The following RNF152 variants were observed in gnomAD, a reference collection of about 807,000 sequenced individuals.
RNF152 encodes E3 ubiquitin-protein ligase RNF152.
Under a neutral mutation model 12.7 loss-of-function variants are expected in RNF152, and 11 were observed. The ratio of observed to expected loss-of-function variants is 0.86; its 90% CI spans 0.54 to 1.43. The LOEUF (loss-of-function observed/expected upper bound fraction) is 1.43, where lower values mean the gene tolerates loss of function less well. Ranked by LOEUF, RNF152 falls within the 40% of genes most tolerant of loss-of-function variation. RNF152 has a pLI of 0.00. For missense variants in RNF152, 255 were observed against 274.8 expected, an observed-to-expected ratio of 0.93 and a Z score of 0.51; for synonymous variants, 113 against 120.3, an observed-to-expected ratio of 0.94 and a Z score of 0.40.
intron 1 of RNF152, among the ~76,000 whole-genome samples, chr18:61,817,909 G>A (rs1385295675): frequency 6.6e-6 from 1 of 152,152 alleles, no homozygotes; most frequent in Non-Finnish European, 1.5e-5. Context: ...GTCCCTGGAT[G>A]GAGCCATGAT....
intron 1 of RNF152, among the ~76,000 whole-genome samples, chr18:61,876,716 T>C (rs1912229313): frequency 6.6e-6 from 1 of 152,130 alleles, no homozygotes; most frequent in Non-Finnish European, 1.5e-5. Context: ...TCCTCACCCA[T>C]ATAATAGAGA....
upstream of RNF152, chr18:61,894,356 G>A (rs1291896905): frequency 6.6e-6 from 1 of 151,414 alleles, no homozygotes; most frequent in Non-Finnish European, 1.5e-5. This position sits in a 1 kb window ranked among gnomAD's most constrained non-coding sequence, Gnocchi z 4.9. Flanking sequence ...GGCCCTTCGG[G>A]CGGCACCCCC....
At chr18:61,817,456 C>T (rs776177154) in intron 1 of RNF152, among the ~76,000 whole-genome samples, 3 of 152,170 alleles carry the variant, frequency 2.0e-5, no homozygotes, top group Non-Finnish European at 4.4e-5. Flanking sequence ...TGAATAGATA[C>T]GGTCAGCCCT....
intron 1 of RNF152, among the ~76,000 whole-genome samples, chr18:61,845,161 T>C (rs528993792): frequency 6.6e-6 from 1 of 152,278 alleles, no homozygotes; most frequent in East Asian, 1.9e-4. Context: ...TCATAGCTCA[T>C]TGCAGCCTTA....
chr18:61,845,218 T>C (rs1418547407), intron 1 of RNF152, among the ~76,000 whole-genome samples: 2 of 152,196 alleles, frequency 1.3e-5, no homozygotes, highest in Non-Finnish European at 2.9e-5. Context: ...CCCAAAGCAA[T>C]GGGATAATAG....
In RNF152 at chr18:61,808,095, TA is replaced by T. The variant is rs779733233; in HGVS notation, c.*7756del. 6.6e-6 allele frequency: 1 copy of T among 152,060 alleles called. No homozygotes were observed. The highest frequency in any genetic ancestry group is 1.5e-5 in the Non-Finnish European group (1 of 68,014). The allele number at this position is 152,060 out of a possible 1,614,324, so 9.4% of individuals were successfully genotyped here. On this transcript the variant is annotated 3_prime_UTR_variant, in exon 2 of 2. Coordinates refer to ENST00000312828, the MANE Select transcript of RNF152 (RefSeq NM_173557.3). The stretch of plus-strand genomic sequence containing the variant: ...GAAATCATTTTATGAACTTTAATCA[TA>T]GCAAATGTGTTTTTACGGTAGTCAT...
chr18:61,873,492 C>T (rs528374044), intron 1 of RNF152, among the ~76,000 whole-genome samples: 9 of 152,268 alleles, frequency 5.9e-5, no homozygotes, highest in South Asian at 2.1e-4. Flanking sequence ...CACGCCACCA[C>T]GCCTGGCTAA....
chr18:61,824,397 CA>C (rs1311254215), intron 1 of RNF152, among the ~76,000 whole-genome samples: 1 of 152,246 alleles, frequency 6.6e-6, no homozygotes, highest in Non-Finnish European at 1.5e-5. Context: ...AACCGCATGG[CA>C]GTACTGCCAG....
intron 1 of RNF152, among the ~76,000 whole-genome samples, chr18:61,817,833 C>T (rs546073676): frequency 4.3e-4 from 66 of 151,930 alleles, no homozygotes; most frequent in African/African-American, 1.4e-3. Flanking sequence ...TGTCCTCTAA[C>T]GCTCCACTGG....
chr18:61,886,954 A>C (rs1912728380), intron 1 of RNF152, among the ~76,000 whole-genome samples: 1 of 152,194 alleles, frequency 6.6e-6, no homozygotes, highest in African/African-American at 2.4e-5. Flanking sequence ...AATTTTTCAG[A>C]AGAGTTGAGA....
At chr18:61,852,029 GT>G (rs1911008351) in intron 1 of RNF152, among the ~76,000 whole-genome samples, 2 of 152,106 alleles carry the variant, frequency 1.3e-5, no homozygotes, top group South Asian at 4.2e-4. Flanking sequence ...AAAGGCCAGG[GT>G]GCTCTCAGTG....
chr18:61,833,639 T>C (rs375759967), intron 1 of RNF152, among the ~76,000 whole-genome samples: 19 of 152,346 alleles, frequency 1.2e-4, no homozygotes, highest in African/African-American at 4.6e-4. Flanking sequence ...TCTCGTCTGT[T>C]TGTTTTTCTT....
At chr18:61,883,941 A>G (rs1346657195) in intron 1 of RNF152, among the ~76,000 whole-genome samples, 1 of 152,178 alleles carries the variant, frequency 6.6e-6, no homozygotes, top group East Asian at 1.9e-4. Context: ...GACAATAATG[A>G]CAGGTAAAAG....
chr18:61,814,099 T>C lies in RNF152; in HGVS notation c.*1753A>G, dbSNP rs1056694803. 1.1e-4 allele frequency: 16 copies of C among 152,252 alleles called. No individual in the cohort carries two copies. 9.4% of individuals were successfully genotyped at this position (152,252 alleles called of 1,614,324 possible). A position where few individuals can be genotyped will look rare whatever the true frequency, so the allele number is the denominator to read the frequency against. ...AAAAATCAGAGCTCACAATTTTATG[T>C]TGAATTCTCATGCCAATTAGCAGTA... On this transcript the variant is annotated 3_prime_UTR_variant, in exon 2 of 2. Coordinates refer to ENST00000312828, the MANE Select transcript of RNF152 (RefSeq NM_173557.3).
chr18:61,869,400 AG>A (rs1456296046), intron 1 of RNF152, among the ~76,000 whole-genome samples: 1 of 152,176 alleles, frequency 6.6e-6, no homozygotes, highest in African/African-American at 2.4e-5. Context: ...TGGGCCATGG[AG>A]GTATTGTCTC....
At chr18:61,818,720 C>T (rs1364559114) in intron 1 of RNF152, among the ~76,000 whole-genome samples, 4 of 152,122 alleles carry the variant, frequency 2.6e-5, no homozygotes, top group Admixed American at 6.5e-5. Flanking sequence ...AGATTCTACC[C>T]GAAAACAACT....
intron 1 of RNF152, among the ~76,000 whole-genome samples, chr18:61,883,292 C>T (rs1446812787): frequency 6.6e-6 from 1 of 152,110 alleles, no homozygotes; most frequent in African/African-American, 2.4e-5. Flanking sequence ...AAGCGGCTAC[C>T]CCTTTTTAAG....
At chr18:61,872,003 T>C (rs1409987991) in intron 1 of RNF152, among the ~76,000 whole-genome samples, 1 of 152,150 alleles carries the variant, frequency 6.6e-6, no homozygotes, top group East Asian at 1.9e-4. Flanking sequence ...AAAAGAGGCT[T>C]AATTGGCTCA....
chr18:61,871,425 T>A (rs963963308), intron 1 of RNF152, among the ~76,000 whole-genome samples: 8 of 152,122 alleles, frequency 5.3e-5, no homozygotes, highest in African/African-American at 1.9e-4. Context: ...ATTCATCATC[T>A]CCATGACCTC....
Sources: gnomAD v4.1 joint callset for allele counts (sites outside exome capture counted in the v4.1 genomes callset) on GRCh38, gnomAD v4.1.1 for gene constraint, Gnocchi (gnomAD v3.1) non-coding constraint, MANE v1.5 for transcripts, NCBI Gene and HGNC (gene_info 2026-07-23, HGNC 2026-07-21) for gene names.